EBF4: variants seen among roughly 807,000 people sequenced by gnomAD.
The protein encoded by EBF4 is transcription factor COE4.
In EBF4, 34 loss-of-function variants were observed where a neutral mutation model predicts 67.1. The ratio of observed to expected loss-of-function variants is 0.51; its 90% CI spans 0.39 to 0.67. The LOEUF is 0.67. Ranked by LOEUF, EBF4 falls within the 30% of genes least tolerant of loss-of-function variation. EBF4 has a pLI of 0.00. For missense variants in EBF4, 837 were observed against 873.3 expected (o/e 0.96, Z 0.52); for synonymous variants, 387 against 377.7 (o/e 1.02, Z -0.29).
At position 2,723,381 on chromosome 20, in the gene EBF4, C is replaced by T. The variant is rs1000019913; in HGVS notation, c.557+13739C>T. ...TTATTTTTTCTTTGAGACGGAGTCT[C>T]GCTCTGTCGCCCAGGCTGGAGTGCA... On this transcript the variant is annotated intron_variant, in intron 6 of 16. Coordinates refer to ENST00000609451, the Ensembl canonical transcript of EBF4. 4.6e-5 allele frequency among the ~76,000 whole-genome samples: 7 copies of T among 151,994 alleles called. No individual in the cohort carries two copies. The South Asian group carries it at 1.0e-3, about 22-fold the overall frequency.
At chr20:2,749,098 T>A (rs2088097397) in intron 7 of EBF4, among the ~76,000 whole-genome samples, 1 of 152,196 alleles carries the variant, frequency 6.6e-6, no homozygotes, top group African/African-American at 2.4e-5. Context: ...TGGAGGTCCG[T>A]GGATACAACC....
intron 6 of EBF4, among the ~76,000 whole-genome samples, chr20:2,727,133 T>A (rs2087756335): frequency 6.6e-6 from 1 of 152,142 alleles, no homozygotes; most frequent in African/African-American, 2.4e-5. Context: ...TTAATAATAT[T>A]CCATTATATG....
chr20:2,719,333 G>A (rs997099546), intron 6 of EBF4, among the ~76,000 whole-genome samples: 1 of 152,186 alleles, frequency 6.6e-6, no homozygotes, highest in Non-Finnish European at 1.5e-5. Context: ...GGAGTGCAGT[G>A]GCGCAATCTC....
At chr20:2,749,510 C>A in exon 8 of EBF4, 1 of 1,546,374 alleles carries the variant, frequency 6.5e-7, no homozygotes, top group Non-Finnish European at 8.7e-7. Flanking sequence ...CGCCTGGACC[C>A]CTCCGAAGGT....
chr20:2,719,100 T>G (rs1251267764), intron 6 of EBF4, among the ~76,000 whole-genome samples: 8 of 152,136 alleles, frequency 5.3e-5, no homozygotes, highest in African/African-American at 1.9e-4. Flanking sequence ...TTTTATTTAC[T>G]TATTTATTTT....
chr20:2,747,313 CAAACA>C lies in EBF4; in HGVS notation c.558-1232_558-1228del, dbSNP rs1284015412. Among the ~76,000 whole-genome samples the C allele has an allele frequency of 1.6e-5, 2 of 123,296 alleles. No individual in the cohort carries two copies. Among genetic ancestry groups the C allele is most frequent in the Non-Finnish European group, 3.4e-5 (2 of 58,710 alleles). The allele number at this position is 123,296 out of a possible 152,430, so 80.9% of individuals were successfully genotyped here. A position where few individuals can be genotyped will look rare whatever the true frequency, so the allele number is the denominator to read the frequency against. ...CTCTGTCTCAAAACAAAAAACAAAACAAACAAAAAAAAAAAAACAGGAAAAAAAAG... is the reference window on the plus strand; with the variant it reads ...CTCTGTCTCAAAACAAAAAACAAAACAAAAAAAAAAAACAGGAAAAAAAAG... On this transcript the variant is annotated intron_variant, in intron 6 of 16. Coordinates refer to ENST00000609451, the Ensembl canonical transcript of EBF4. This position sits in a 1 kb window ranked among gnomAD's most constrained non-coding sequence, Gnocchi z 4.6.
chr20:2,741,739 T>C (rs1296262916), intron 6 of EBF4, among the ~76,000 whole-genome samples: 9 of 152,188 alleles, frequency 5.9e-5, no homozygotes, highest in African/African-American at 1.9e-4. Flanking sequence ...CTACCATCCT[T>C]TAGATACTTC....
At chr20:2,738,523 G>A (rs2087922301) in intron 6 of EBF4, among the ~76,000 whole-genome samples, 1 of 152,174 alleles carries the variant, frequency 6.6e-6, no homozygotes. Context: ...ACACCATGGT[G>A]ACCATGCACC....
intron 6 of EBF4, among the ~76,000 whole-genome samples, chr20:2,726,580 C>CAAA (rs10681053): frequency 0.17 from 24,502 of 144,398 alleles, 2,587 homozygotes; most frequent in African/African-American, 0.29. Flanking sequence ...GACCCTGTCT[C>CAAA]AAAAAAAAAA....
chr20:2,752,452 CTGGGCGGCTACGGCGCGCCGGGCG>C, exon 14 of EBF4: 1 of 1,276,638 alleles, frequency 7.8e-7, no homozygotes, highest in African/African-American at 1.5e-5. Context: ...CGGAGCTGGC[CTGGGCGGCTACGGCGCGCCGGGCG>C]TGGCCGGCCT....
intron 6 of EBF4, among the ~76,000 whole-genome samples, chr20:2,740,738 G>C (rs992274665): frequency 6.6e-6 from 1 of 152,132 alleles, no homozygotes; most frequent in Non-Finnish European, 1.5e-5. Context: ...AATGAGTATA[G>C]AGGGAGTTTA....
intron 6 of EBF4, among the ~76,000 whole-genome samples, chr20:2,730,840 A>G (rs1248568001): frequency 2.0e-5 from 3 of 152,162 alleles, no homozygotes; most frequent in Admixed American, 2.0e-4. Context: ...CCATCCTATC[A>G]GTCAGTGCTC....
At chr20:2,752,251 G>C in exon 13 of EBF4, 3 of 1,281,970 alleles carry the variant, frequency 2.3e-6, no homozygotes, top group Non-Finnish European at 2.9e-6. Flanking sequence ...CGCCACCCCG[G>C]GGCCCGAGCC....
In EBF4 at chr20:2,693,912, G is replaced by A. The variant is rs2087249237; in HGVS notation, c.137+130G>A. 2.5e-6 allele frequency: 3 copies of A among 1,178,522 alleles called. No individual in the cohort carries two copies. Among genetic ancestry groups the A allele is most frequent in the Admixed American group, 4.2e-5 (1 of 23,588 alleles). 73.0% of individuals were successfully genotyped at this position (1,178,522 alleles called of 1,614,324 possible). A position where few individuals can be genotyped will look rare whatever the true frequency, so the allele number is the denominator to read the frequency against. ...TCTGGACGGTCCCGGCGAGCTCCCC[G>A]GCCCACCCCGTCCGGAGTGCCTGTG... On this transcript the variant is annotated intron_variant, in intron 1 of 16. Coordinates refer to ENST00000609451, the Ensembl canonical transcript of EBF4. The surrounding 1 kb of genome is among the most constrained non-coding windows in gnomAD (Gnocchi z 4.6).
intron 6 of EBF4, among the ~76,000 whole-genome samples, chr20:2,717,022 AT>A (rs1419305864): frequency 6.6e-6 from 1 of 152,232 alleles, no homozygotes; most frequent in Non-Finnish European, 1.5e-5. Flanking sequence ...CAATATTACA[AT>A]GAACCTATAC....
intron 15 of EBF4, among the ~76,000 whole-genome samples, chr20:2,757,360 C>T (rs1483818731): frequency 6.6e-6 from 1 of 151,892 alleles, no homozygotes; most frequent in Non-Finnish European, 1.5e-5. Flanking sequence ...CCCTGCCCTG[C>T]ACACAGAATG....
chr20:2,750,688 G>C (rs967737065), intron 10 of EBF4, among the ~76,000 whole-genome samples: 30 of 152,254 alleles, frequency 2.0e-4, no homozygotes, highest in Admixed American at 2.0e-4. Flanking sequence ...AGCCTCCCCG[G>C]AGCTCCAGTC....
At chr20:2,715,509 T>A (rs2087596601) in intron 6 of EBF4, among the ~76,000 whole-genome samples, 1 of 152,226 alleles carries the variant, frequency 6.6e-6, no homozygotes, top group South Asian at 2.1e-4. Context: ...AGGTCATGGA[T>A]ACGCACATGA....
intron 6 of EBF4, among the ~76,000 whole-genome samples, chr20:2,727,245 A>G (rs550269826): frequency 9.9e-5 from 15 of 152,220 alleles, no homozygotes; most frequent in African/African-American, 3.6e-4. Flanking sequence ...TTATCCATCA[A>G]TGAACCCTTC....
Sources: gnomAD v4.1 joint callset for allele counts (sites outside exome capture counted in the v4.1 genomes callset) on GRCh38, gnomAD v4.1.1 for gene constraint, Gnocchi (gnomAD v3.1) non-coding constraint, MANE v1.5 for transcripts, NCBI Gene and HGNC (gene_info 2026-07-23, HGNC 2026-07-21) for gene names.